EYS: variants seen among roughly 807,000 people sequenced by gnomAD.
The protein encoded by EYS is protein eyes shut homolog.
In EYS, 250 loss-of-function variants were observed where a neutral mutation model predicts 282.1. The observed-to-expected ratio is 0.89, with a 90% CI of 0.80 to 0.98. The LOEUF is 0.98. Among genes scored for constraint, EYS ranks in the 50% least tolerant of loss-of-function variants. The pLI, the probability that EYS is intolerant of heterozygous loss-of-function variation, is 0.00. For missense variants in EYS, 4,016 were observed against 3,709.0 expected (o/e 1.08, Z -2.15); for synonymous variants, 1,355 against 1,282.9 (o/e 1.06, Z -1.20).
chr6:64,666,099 G>A (rs554141290), intron 22 of EYS, among the ~76,000 whole-genome samples: 16 of 152,286 alleles, frequency 1.1e-4, no homozygotes, highest in African/African-American at 3.6e-4. Flanking sequence ...AGAGTGAGGA[G>A]AGTGAGGAGA....
chr6:64,413,298 C>A (rs963812077), intron 28 of EYS, among the ~76,000 whole-genome samples: 10 of 152,112 alleles, frequency 6.6e-5, no homozygotes, highest in African/African-American at 2.4e-4. Flanking sequence ...CTCAGGCCTG[C>A]AGTTGGTAAT....
intron 23 of EYS, among the ~76,000 whole-genome samples, chr6:64,620,648 A>C (rs1162533729): frequency 1.3e-5 from 2 of 152,338 alleles, no homozygotes; most frequent in African/African-American, 4.8e-5. Flanking sequence ...GGACAAGGTA[A>C]TGGGTAAGAA....
intron 12 of EYS, among the ~76,000 whole-genome samples, chr6:65,290,856 T>C (rs1345971445): frequency 6.6e-6 from 1 of 151,380 alleles, no homozygotes; most frequent in Non-Finnish European, 1.5e-5. Context: ...AATGATATCA[T>C]CTTATTTATC....
At chr6:64,332,763 C>A (rs1770694350) in intron 29 of EYS, among the ~76,000 whole-genome samples, 1 of 152,184 alleles carries the variant, frequency 6.6e-6, no homozygotes, top group South Asian at 2.1e-4. Context: ...CAACTGGAAG[C>A]TGACTAGTCT....
intron 1 of EYS, among the ~76,000 whole-genome samples, chr6:65,659,053 A>G (rs1010322919): frequency 5.9e-5 from 9 of 151,330 alleles, no homozygotes; most frequent in African/African-American, 1.7e-4. Flanking sequence ...TCTAGATCCT[A>G]TTGTTTTTGT....
chr6:65,516,039 A>G (rs1008233751), intron 2 of EYS, among the ~76,000 whole-genome samples: 1 of 152,042 alleles, frequency 6.6e-6, no homozygotes, highest in Non-Finnish European at 1.5e-5. Context: ...AGACTGAAAA[A>G]TATTTATAGA....
chr6:65,678,548 A>G (rs1282068551), intron 1 of EYS, among the ~76,000 whole-genome samples: 1 of 152,018 alleles, frequency 6.6e-6, no homozygotes, highest in African/African-American at 2.4e-5. Flanking sequence ...GGTGCAGGTC[A>G]CGATTTTATG....
At chr6:64,480,535 T>C (rs1295147010) in intron 26 of EYS, among the ~76,000 whole-genome samples, 1 of 151,824 alleles carries the variant, frequency 6.6e-6, no homozygotes, top group African/African-American at 2.4e-5. Context: ...TAAGACTAAA[T>C]GAAAGTTTGC....
intron 26 of EYS, among the ~76,000 whole-genome samples, chr6:64,585,503 G>C (rs1303419895): frequency 6.6e-6 from 1 of 151,992 alleles, no homozygotes; most frequent in Non-Finnish European, 1.5e-5. Flanking sequence ...TTAATGTTTT[G>C]TTTTGCAATT....
At chr6:64,557,217 T>C (rs9359982) in intron 26 of EYS, among the ~76,000 whole-genome samples, 5 of 147,922 alleles carry the variant, frequency 3.4e-5, no homozygotes, top group Non-Finnish European at 6.0e-5. Context: ...CACACACACA[T>C]ACACACACAC....
chr6:64,148,540 C>T (rs1022953856), intron 31 of EYS, among the ~76,000 whole-genome samples: 47 of 152,144 alleles, frequency 3.1e-4, no homozygotes, highest in African/African-American at 1.1e-3. Flanking sequence ...AGTTAAGTTG[C>T]TTACAGTGAA....
intron 26 of EYS, among the ~76,000 whole-genome samples, chr6:64,447,937 A>T (rs969604664): frequency 6.6e-6 from 1 of 152,234 alleles, no homozygotes; most frequent in Non-Finnish European, 1.5e-5. Flanking sequence ...TAAGGATAGA[A>T]AGTAACTTTC....
intron 1 of EYS, among the ~76,000 whole-genome samples, chr6:65,677,908 C>G (rs1036882682): frequency 6.6e-6 from 1 of 152,030 alleles, no homozygotes; most frequent in African/African-American, 2.4e-5. Flanking sequence ...GTCAACTGAT[C>G]TTCAACAATA....
chr6:63,729,606 T>C (rs1042312070), intron 41 of EYS, among the ~76,000 whole-genome samples: 2 of 152,124 alleles, frequency 1.3e-5, no homozygotes, highest in Non-Finnish European at 2.9e-5. Flanking sequence ...CATTTTATTC[T>C]TCTTCCTCTT....
intron 12 of EYS, among the ~76,000 whole-genome samples, chr6:65,123,482 A>C (rs767135526): frequency 2.0e-5 from 3 of 152,164 alleles, no homozygotes; most frequent in Non-Finnish European, 4.4e-5. Context: ...CCCTTCCACC[A>C]GGAAAGCAAA....
Position 65,050,877 on chromosome 6 carries a change from C to T in EYS, c.2137+6737G>A, listed in dbSNP as rs75566770. On this transcript the variant is annotated intron_variant, in intron 13 of 42. Transcript: ENST00000503581. Reference sequence around the variant, plus strand: ...CCCTATCCAGAAAACAGCATTATTACTCTGGCTTTCAACACACTTAAGCAT... The same window carrying T: ...CCCTATCCAGAAAACAGCATTATTATTCTGGCTTTCAACACACTTAAGCAT... 3.6e-3 allele frequency among the ~76,000 whole-genome samples: 543 copies of T among 151,802 alleles called. 10 individuals are homozygous for T. Among genetic ancestry groups the T allele is most frequent in the Admixed American group, 0.027 (414 of 15,202 alleles).
rs142311690 is a variant in EYS at position 65,300,196 on chromosome 6, C to T, written c.1767-4077G>A. ...CTCAGTCTTTTTGTCCTTAGAAATG[C>T]CTCTTCTGAATGGGTAGATCCACAG... On this transcript the variant is annotated intron_variant, in intron 11 of 42. Transcript: ENST00000503581. Among the ~76,000 whole-genome samples the T allele has an allele frequency of 7.1e-4, 108 of 152,196 alleles. 1 individual carries two copies. Among genetic ancestry groups the T allele is most frequent in the African/African-American group, 2.6e-3 (106 of 41,526 alleles).
intron 30 of EYS, among the ~76,000 whole-genome samples, chr6:64,235,707 CA>C (rs1430233923): frequency 6.6e-6 from 1 of 152,158 alleles, no homozygotes; most frequent in East Asian, 1.9e-4. Context: ...GTCCCACCAA[CA>C]GTGTAAAAGT....
chr6:65,387,813 A>C (rs1294065546), intron 7 of EYS, among the ~76,000 whole-genome samples: 1 of 151,862 alleles, frequency 6.6e-6, no homozygotes, highest in East Asian at 1.9e-4. Context: ...TATATTTGTA[A>C]TTTTTATAAT....
Sources: gnomAD v4.1 joint callset for allele counts (sites outside exome capture counted in the v4.1 genomes callset) on GRCh38, gnomAD v4.1.1 for gene constraint, MANE v1.5 for transcripts, NCBI Gene and HGNC (gene_info 2026-07-23, HGNC 2026-07-21) for gene names.